Variants in SLC30A8 observed in about 807,000 individuals in gnomAD.
The protein encoded by SLC30A8 is proton-coupled zinc antiporter SLC30A8.
A neutral mutation model predicts 36.9 loss-of-function variants in SLC30A8; 27 were observed. The ratio of observed to expected loss-of-function variants is 0.73; its 90% CI spans 0.54 to 1.01. SLC30A8 has a LOEUF of 1.01. Ranked by LOEUF, SLC30A8 falls within the 50% of genes least tolerant of loss-of-function variation. The pLI, the probability that SLC30A8 is intolerant of heterozygous loss-of-function variation, is 0.00. For missense variants in SLC30A8, 439 were observed against 452.0 expected (o/e 0.97, Z 0.26); for synonymous variants, 164 against 172.4 (o/e 0.95, Z 0.38).
chr8:117,169,736 G>C (rs948383037), intron 6 of SLC30A8, among the ~76,000 whole-genome samples: 4 of 152,166 alleles, frequency 2.6e-5, no homozygotes, highest in East Asian at 1.9e-4. Flanking sequence ...CACGTCACAT[G>C]ATGGGAATGG....
Position 116,990,823 on chromosome 8 carries a change from C to G in SLC30A8, c.-266+39704C>G, listed in dbSNP as rs113938969. 5.3e-3 allele frequency among the ~76,000 whole-genome samples: 805 copies of G among 152,218 alleles called. 8 individuals carry two copies. Among genetic ancestry groups the G allele is most frequent in the African/African-American group, 0.018 (759 of 41,530 alleles). ...CAGAAACCTCGTACTATCTTTGCAA[C>G]TTTCTGTAAATTTATAATTATTCTA... On this transcript the variant is annotated intron_variant, in intron 1 of 10. Coordinates refer to the SLC30A8 transcript ENST00000427715.
At chr8:116,985,137 A>G (rs1003924199) in intron 1 of SLC30A8, among the ~76,000 whole-genome samples, 1 of 152,112 alleles carries the variant, frequency 6.6e-6, no homozygotes, top group Non-Finnish European at 1.5e-5. Flanking sequence ...ATATTATAAA[A>G]ATAACATGCA....
intron 1 of SLC30A8, among the ~76,000 whole-genome samples, chr8:117,145,443 A>G (rs1166583839): frequency 1.3e-5 from 2 of 152,026 alleles, no homozygotes; most frequent in Non-Finnish European, 2.9e-5. Context: ...TAGAGTCAGA[A>G]TAATAATTGT....
intron 2 of SLC30A8, among the ~76,000 whole-genome samples, chr8:117,086,998 G>GTA (rs1420776609): frequency 1.3e-5 from 2 of 152,196 alleles, no homozygotes; most frequent in East Asian, 3.8e-4. Flanking sequence ...CTGGCTGTAT[G>GTA]TATATAGGCA....
chr8:117,135,947 C>G (rs1388315847), intron 1 of SLC30A8, among the ~76,000 whole-genome samples: 2 of 151,814 alleles, frequency 1.3e-5, no homozygotes, highest in Non-Finnish European at 2.9e-5. Context: ...TCATTTTTCA[C>G]TTGGTTAACA....
At chr8:116,951,195 C>A (rs925819569) in intron 1 of SLC30A8, 2 of 152,150 alleles carry the variant, frequency 1.3e-5, no homozygotes, top group African/African-American at 4.8e-5. Flanking sequence ...AACTCATAAT[C>A]ATCTTTAAGA....
In SLC30A8 at chr8:117,155,297, A is replaced by C. The variant is rs180843970; in HGVS notation, c.418+2207A>C. Among the ~76,000 whole-genome samples the C allele has an allele frequency of 7.9e-5, 12 of 152,066 alleles. No individual in the cohort carries two copies. The East Asian group carries it at 2.1e-3, about 27-fold the overall frequency. On this transcript the variant is annotated intron_variant, in intron 3 of 7. Coordinates refer to ENST00000456015, the MANE Select transcript of SLC30A8 (RefSeq NM_173851.3). ...CAGCTCTTTTCCCACTGTGCTTCCT[A>C]ATCATGGGTTTTGAGTTAGACACAC...
At chr8:117,012,512 A>G (rs1032294613) in intron 1 of SLC30A8, among the ~76,000 whole-genome samples, 12 of 151,912 alleles carry the variant, frequency 7.9e-5, no homozygotes, top group African/African-American at 2.4e-4. Flanking sequence ...TAGCGTTTAC[A>G]TTGTATTAGG....
At position 117,082,994 on chromosome 8, in the gene SLC30A8, G is replaced by A. The variant is rs559240176; in HGVS notation, c.-226+43736G>A. 5.3e-5 allele frequency among the ~76,000 whole-genome samples: 8 copies of A among 152,142 alleles called. No homozygotes were observed. The South Asian group carries it at 1.0e-3, about 20-fold the overall frequency. ...GCAAAACAGAACCTGTATTATGACCGTGACTAAAAGACATCACACCACTGG... is the reference window on the plus strand; with the variant it reads ...GCAAAACAGAACCTGTATTATGACCATGACTAAAAGACATCACACCACTGG... On this transcript the variant is annotated intron_variant, in intron 2 of 10. Coordinates refer to the SLC30A8 transcript ENST00000427715.
chr8:117,090,408 T>G (rs1203363175), intron 2 of SLC30A8, among the ~76,000 whole-genome samples: 6 of 152,244 alleles, frequency 3.9e-5, no homozygotes. Context: ...TTTGGGCTAC[T>G]GTAAAAAACT....
At chr8:117,065,265 A>C (rs1425017686) in intron 2 of SLC30A8, among the ~76,000 whole-genome samples, 1 of 152,180 alleles carries the variant, frequency 6.6e-6, no homozygotes, top group East Asian at 1.9e-4. Flanking sequence ...CTCTATGCTT[A>C]GTGAGATTGG....
intron 2 of SLC30A8, among the ~76,000 whole-genome samples, chr8:117,065,753 G>A (rs1818149106): frequency 6.6e-6 from 1 of 152,094 alleles, no homozygotes; most frequent in African/African-American, 2.4e-5. Flanking sequence ...TCTCAATCCA[G>A]GAGGAAAAAG....
chr8:117,115,281 C>A (rs968265692), intron 2 of SLC30A8, among the ~76,000 whole-genome samples: 2 of 151,974 alleles, frequency 1.3e-5, no homozygotes, highest in Non-Finnish European at 2.9e-5. Flanking sequence ...GCAGGAGGAA[C>A]TGCTCTAGTT....
chr8:117,039,133 C>T (rs989550891), intron 1 of SLC30A8: 1 of 152,144 alleles, frequency 6.6e-6, no homozygotes, highest in East Asian at 1.9e-4. Flanking sequence ...TGCAACCAGA[C>T]CCCTGCTGGA....
intron 2 of SLC30A8, among the ~76,000 whole-genome samples, chr8:117,149,750 G>T (rs916830517): frequency 1.3e-5 from 2 of 152,108 alleles, no homozygotes; most frequent in African/African-American, 2.4e-5. Context: ...TTTTTATGGG[G>T]GGCATCTGTA....
intron 2 of SLC30A8, among the ~76,000 whole-genome samples, chr8:117,082,546 G>A (rs2130813473): frequency 6.6e-6 from 1 of 152,244 alleles, no homozygotes; most frequent in Non-Finnish European, 1.5e-5. Context: ...CCAACAAAAG[G>A]CAGTTGGCAG....
At chr8:116,982,522 T>C (rs1815303605) in intron 1 of SLC30A8, among the ~76,000 whole-genome samples, 1 of 152,196 alleles carries the variant, frequency 6.6e-6, no homozygotes, top group Non-Finnish European at 1.5e-5. Flanking sequence ...AAATGTGAGC[T>C]ACACACACAA....
chr8:116,967,961 A>C (rs1379032452), intron 1 of SLC30A8, among the ~76,000 whole-genome samples: 1 of 152,178 alleles, frequency 6.6e-6, no homozygotes. Flanking sequence ...GGGGCTGCAC[A>C]AACAGATGAG....
chr8:116,964,955 A>G (rs530821566), intron 1 of SLC30A8, among the ~76,000 whole-genome samples: 1 of 152,130 alleles, frequency 6.6e-6, no homozygotes, highest in African/African-American at 2.4e-5. Context: ...TTTGTTTTTG[A>G]GACGGAATTT....
Sources: allele counts gnomAD v4.1 joint callset (sites outside exome capture counted in the v4.1 genomes callset), GRCh38; gene constraint gnomAD v4.1.1; transcripts MANE v1.5; gene names NCBI Gene and HGNC (gene_info 2026-07-23, HGNC 2026-07-21).